USP37: variants seen among roughly 807,000 people sequenced by gnomAD.
USP37 encodes ubiquitin carboxyl-terminal hydrolase 37.
A neutral mutation model predicts 124.0 loss-of-function variants in USP37; 27 were observed. That is an observed-to-expected ratio of 0.22 (90% CI 0.16 to 0.30). The LOEUF (loss-of-function observed/expected upper bound fraction) is 0.30. Among genes scored for constraint, USP37 ranks in the 10% least tolerant of loss-of-function variants. USP37 has a pLI of 1.00. For synonymous variants in USP37, 365 were observed against 388.0 expected, an observed-to-expected ratio of 0.94 and a Z score of 0.70; for missense variants, 889 against 1,140.4, an observed-to-expected ratio of 0.78 and a Z score of 3.17.
At chr2:218,560,583 C>T (rs749598041) in intron 3 of USP37, among the ~76,000 whole-genome samples, 2 of 152,154 alleles carry the variant, frequency 1.3e-5, no homozygotes, top group African/African-American at 4.8e-5. Flanking sequence ...GTCACTAACT[C>T]AACTATCTAT....
intron 10 of USP37, among the ~76,000 whole-genome samples, chr2:218,524,342 C>T (rs1690831912): frequency 6.6e-6 from 1 of 152,182 alleles, no homozygotes; most frequent in Non-Finnish European, 1.5e-5. Flanking sequence ...TCAAGTGATC[C>T]TCCCACCTAG....
intron 19 of USP37, 67 bp downstream of exon 19, chr2:218,476,773 A>C (rs989251042): frequency 4.7e-6 from 7 of 1,476,412 alleles, no homozygotes; most frequent in Non-Finnish European, 6.3e-6. Flanking sequence ...TGGTTATGAA[A>C]GACATTTGTT....
At chr2:218,547,166 G>T in intron 6 of USP37, 75 bp from the exon 7 acceptor site, 1 of 1,475,064 alleles carries the variant, frequency 6.8e-7, no homozygotes. Flanking sequence ...TTCTCCAATG[G>T]AAAGGTTTAA....
chr2:218,504,536 C>T (rs1214191639), intron 11 of USP37, among the ~76,000 whole-genome samples: 1 of 152,182 alleles, frequency 6.6e-6, no homozygotes, highest in Non-Finnish European at 1.5e-5. Flanking sequence ...AGCAATCCTC[C>T]AGCCTCAGTC....
intron 11 of USP37, among the ~76,000 whole-genome samples, chr2:218,508,570 A>G (rs1449548535): frequency 6.6e-6 from 1 of 152,198 alleles, no homozygotes; most frequent in East Asian, 1.9e-4. Context: ...GGGTAGACAG[A>G]GACACAGACC....
In USP37 at chr2:218,561,042, C is replaced by T. The variant is rs140971435; in HGVS notation, c.-88-159G>A. ...TATAATGTGCTGGGTAATATGAATT[C>T]GTCAAAGTAATAGAGTCCATTAATG... is the stretch of plus-strand genomic sequence containing the variant. On this transcript the variant is annotated intron_variant, in intron 2 of 25. Transcript: ENST00000258399. Among the ~76,000 whole-genome samples the T allele has an allele frequency of 4.5e-4, 69 of 152,246 alleles. No homozygotes were observed. In the East Asian group the frequency reaches 0.012, roughly 27 times the overall value.
Position 218,488,351 on chromosome 2 carries a change from G to GT in USP37, c.1542dup (p.Pro515ThrfsTer12), listed in dbSNP as rs757778802. On this transcript the variant is annotated frameshift_variant, in exon 15 of 26. Coordinates refer to ENST00000258399, the MANE Select transcript of USP37 (RefSeq NM_020935.3). LOFTEE classifies it high-confidence loss of function. ...TCTTGAATTGAACGAGGAGGGAGTGGTTTTTTCCTACGAGGAAGGTCAATA... is the reference window on the plus strand; with the variant it reads ...TCTTGAATTGAACGAGGAGGGAGTGGTTTTTTTCCTACGAGGAAGGTCAATA... 1.2e-6 allele frequency: 2 copies of GT among 1,613,036 alleles called. No individual in the cohort carries two copies. The highest frequency in any genetic ancestry group is 1.1e-5 in the South Asian group (1 of 90,830).
chr2:218,477,809 T>C (rs984211335), intron 18 of USP37, among the ~76,000 whole-genome samples: 1 of 152,196 alleles, frequency 6.6e-6, no homozygotes, highest in African/African-American at 2.4e-5. Flanking sequence ...TTTAGAAACA[T>C]TTTCATCCAA....
chr2:218,505,996 T>C lies in USP37; in HGVS notation c.1025+3983A>G, dbSNP rs1455468387. Among the ~76,000 whole-genome samples, 10 of 151,962 alleles carry C rather than the reference T, an allele frequency of 6.6e-5. No individual in the cohort carries two copies. In the East Asian group the frequency reaches 1.9e-3, roughly 30 times the overall value. On this transcript the variant is annotated intron_variant, in intron 11 of 25. Coordinates refer to ENST00000258399, the MANE Select transcript of USP37 (RefSeq NM_020935.3). ...CTCTTGCCTCAGTCCCCTGAGTATC[T>C]GGGACCAGAGGTGCACGCCACCAAG...
intron 10 of USP37, among the ~76,000 whole-genome samples, chr2:218,518,432 C>T (rs1690419210): frequency 6.6e-6 from 1 of 152,068 alleles, no homozygotes; most frequent in Non-Finnish European, 1.5e-5. Flanking sequence ...TTCATGTTGA[C>T]CTGTCTTGCT....
chr2:218,456,532 C>T (rs930960947), intron 24 of USP37, among the ~76,000 whole-genome samples: 5 of 151,416 alleles, frequency 3.3e-5, no homozygotes, highest in African/African-American at 1.2e-4. Flanking sequence ...GCATATGCTA[C>T]ACTGGTACAC....
intron 14 of USP37, among the ~76,000 whole-genome samples, chr2:218,493,006 T>TA (rs1056062099): frequency 1.5e-4 from 22 of 148,326 alleles, no homozygotes; most frequent in East Asian, 7.8e-4. Context: ...GACTCTGTCT[T>TA]AAAAAAAAAA....
chr2:218,466,198 T>C (rs375238781), intron 20 of USP37, 22 bp from the exon 21 acceptor site: 7 of 1,574,754 alleles, frequency 4.4e-6, no homozygotes, highest in African/African-American at 1.4e-5. Context: ...GAACATAACA[T>C]TAATTTGGAA....
chr2:218,553,850 A>AT (rs1433141772), intron 4 of USP37, 126 bp from the exon 5 acceptor site: 27 of 1,025,876 alleles, frequency 2.6e-5, no homozygotes, highest in Non-Finnish European at 3.4e-5. Context: ...CAGTAATTTA[A>AT]TTTTTTTCAA....
chr2:218,467,302 G>A (rs907538700), intron 20 of USP37, among the ~76,000 whole-genome samples: 2 of 144,522 alleles, frequency 1.4e-5, no homozygotes, highest in African/African-American at 5.2e-5. Flanking sequence ...CCGCCACCAT[G>A]CCCAGCTAAT....
intron 14 of USP37, 103 bp from the exon 15 acceptor site, chr2:218,488,524 C>A (rs988165123): frequency 1.5e-6 from 1 of 684,590 alleles, no homozygotes; most frequent in African/African-American, 1.8e-5. Flanking sequence ...GGTACTGACA[C>A]ACTATCACCA....
chr2:218,484,639 A>G (rs570360236), intron 16 of USP37, among the ~76,000 whole-genome samples: 1 of 109,200 alleles, frequency 9.2e-6, no homozygotes, highest in South Asian at 3.5e-4. Context: ...CAACAACAAC[A>G]ACAACAACAA....
chr2:218,567,678 TC>T, intron 1 of USP37, among the ~76,000 whole-genome samples: 1 of 152,226 alleles, frequency 6.6e-6, no homozygotes, highest in Non-Finnish European at 1.5e-5. Flanking sequence ...TCATTTCCTT[TC>T]ATGGATCATG....
chr2:218,550,049 T>G (rs1692578519), intron 5 of USP37, 140 bp from the exon 6 acceptor site: 2 of 554,132 alleles, frequency 3.6e-6, no homozygotes, highest in African/African-American at 1.9e-5. Flanking sequence ...AAAGTGCCTA[T>G]CAACCAATTC....
Sources: gnomAD v4.1 joint callset for allele counts (sites outside exome capture counted in the v4.1 genomes callset) on GRCh38, gnomAD v4.1.1 for gene constraint, MANE v1.5 for transcripts, NCBI Gene and HGNC (gene_info 2026-07-23, HGNC 2026-07-21) for gene names.